The following RPSA2 variants were observed in gnomAD, a reference collection of about 807,000 sequenced individuals.
RPSA2 encodes the protein ribosomal protein SA 2, also known as small ribosomal subunit protein uS2B.
the RPSA2 span, chr19:23,782,302 G>C: frequency 2.0e-5 from 3 of 152,152 alleles, no homozygotes; most frequent in Non-Finnish European, 2.9e-5. Flanking sequence ...GCTTAGAAAA[G>C]AGATTATGAC....
chr19:23,858,846 A>G, the RPSA2 span, among the ~76,000 whole-genome samples: 2 of 152,310 alleles, frequency 1.3e-5, no homozygotes, highest in South Asian at 4.1e-4. Context: ...TTTCTCATGC[A>G]CTCTGTAAAT....
the RPSA2 span, among the ~76,000 whole-genome samples, chr19:23,839,335 A>T: frequency 6.6e-6 from 1 of 152,010 alleles, no homozygotes; most frequent in Non-Finnish European, 1.5e-5. Flanking sequence ...AAATTTATTG[A>T]GGCGCGTTAT....
chr19:23,836,785 T>A, the RPSA2 span, among the ~76,000 whole-genome samples: 3,533 of 152,300 alleles, frequency 0.023, 63 homozygotes, highest in Non-Finnish European at 0.036. Context: ...AGCATTTTTT[T>A]TAATATGTTT....
At chr19:23,818,563 T>G in the RPSA2 span, 3 of 152,466 alleles carry the variant, frequency 2.0e-5, no homozygotes, top group Admixed American at 6.5e-5. Flanking sequence ...TCTGTAGATT[T>G]CCGAGCCAGC....
the RPSA2 span, among the ~76,000 whole-genome samples, chr19:23,775,984 A>G: frequency 6.6e-6 from 1 of 152,164 alleles, no homozygotes; most frequent in Non-Finnish European, 1.5e-5. Context: ...GAATTGGCCC[A>G]GCCTACAAAT....
At chr19:23,802,876 T>G in the RPSA2 span, among the ~76,000 whole-genome samples, 2 of 152,202 alleles carry the variant, frequency 1.3e-5, no homozygotes, top group Non-Finnish European at 2.9e-5. Context: ...CCATTTTCTT[T>G]ATATTGTTAA....
At chr19:23,853,311 A>G in the RPSA2 span, among the ~76,000 whole-genome samples, 1 of 152,272 alleles carries the variant, frequency 6.6e-6, no homozygotes, top group East Asian at 1.9e-4. Flanking sequence ...AGGTTTAATT[A>G]CAACATTAAT....
the RPSA2 span, among the ~76,000 whole-genome samples, chr19:23,789,019 C>CTTTTTTTTTTTTTTTTTTTTTTTTTTTT: frequency 8.0e-5 from 9 of 112,598 alleles, 1 homozygote; most frequent in East Asian, 7.8e-4. Flanking sequence ...TTTTTTCTTT[C>CTTTTTTTTTTTTTTTTTTTTTTTTTTTT]TTTCTTTTTT....
At chr19:23,766,601 C>T in the RPSA2 span, among the ~76,000 whole-genome samples, 1 of 151,554 alleles carries the variant, frequency 6.6e-6, no homozygotes, top group African/African-American at 2.4e-5. Flanking sequence ...ACTACAGGCG[C>T]CCACCACCTT....
At chr19:23,839,010 G>T in the RPSA2 span, among the ~76,000 whole-genome samples, 3 of 151,638 alleles carry the variant, frequency 2.0e-5, no homozygotes, top group Non-Finnish European at 4.4e-5. Context: ...GGTTTCATTT[G>T]TTCTTGTTTC....
At chr19:23,770,053 C>T in the RPSA2 span, among the ~76,000 whole-genome samples, 7 of 152,104 alleles carry the variant, frequency 4.6e-5, no homozygotes, top group African/African-American at 1.7e-4. Context: ...GTGTTTGTTA[C>T]ATATAGTTGG....
chr19:23,766,643 A>G, the RPSA2 span, among the ~76,000 whole-genome samples: 1 of 151,254 alleles, frequency 6.6e-6, no homozygotes, highest in African/African-American at 2.4e-5. Context: ...TTTAGTAGAG[A>G]CAGGGTTTCA....
At chr19:23,841,356 CG>C in the RPSA2 span, among the ~76,000 whole-genome samples, 2 of 151,860 alleles carry the variant, frequency 1.3e-5, no homozygotes, top group Non-Finnish European at 2.9e-5. Flanking sequence ...CCCAGCTACT[CG>C]GGAGGCTAAG....
the RPSA2 span, chr19:23,832,714 C>T: frequency 1.3e-6 from 2 of 1,521,680 alleles, no homozygotes; most frequent in Admixed American, 3.5e-5. Flanking sequence ...TGGAGAGAAA[C>T]CCTACAAATG....
chr19:23,804,172 A>G, the RPSA2 span, among the ~76,000 whole-genome samples: 1 of 152,218 alleles, frequency 6.6e-6, no homozygotes, highest in Non-Finnish European at 1.5e-5. Flanking sequence ...TGTAAACTTT[A>G]AAGAGCCAGG....
the RPSA2 span, among the ~76,000 whole-genome samples, chr19:23,769,384 C>A: frequency 1.3e-5 from 2 of 152,044 alleles, no homozygotes; most frequent in African/African-American, 4.8e-5. Flanking sequence ...GGCTCTGTCA[C>A]CCAGGCTGGA....
At chr19:23,761,932 T>TCCTTCC in the RPSA2 span, among the ~76,000 whole-genome samples, 6 of 53,038 alleles carry the variant, frequency 1.1e-4, no homozygotes, top group African/African-American at 4.9e-4. Flanking sequence ...TTTTTTTTTT[T>TCCTTCC]TTTGAGATGG....
the RPSA2 span, among the ~76,000 whole-genome samples, chr19:23,811,319 A>G: frequency 1.3e-5 from 2 of 152,046 alleles, no homozygotes; most frequent in African/African-American, 4.8e-5. Flanking sequence ...GCCTGGCCAA[A>G]GGCACTTATT....
chr19:23,854,523 C>A, the RPSA2 span, among the ~76,000 whole-genome samples: 57 of 152,260 alleles, frequency 3.7e-4, no homozygotes, highest in African/African-American at 1.2e-3. Context: ...GATATTGGGG[C>A]CTGGGACTGG....
Sources: gnomAD v4.1 joint callset for allele counts (sites outside exome capture counted in the v4.1 genomes callset) on GRCh38, gnomAD v4.1.1 for gene constraint, MANE v1.5 for transcripts, NCBI Gene and HGNC (gene_info 2026-07-23, HGNC 2026-07-21) for gene names.